LRRC4C: variants seen among roughly 807,000 people sequenced by gnomAD.
LRRC4C encodes the protein leucine rich repeat containing 4C, also known as leucine-rich repeat-containing protein 4C.
In LRRC4C, 5 loss-of-function variants were observed where a neutral mutation model predicts 33.6. That is an observed-to-expected ratio of 0.15 (90% CI 0.08 to 0.31). The LOEUF is 0.31. Among genes scored for constraint, LRRC4C ranks in the 10% least tolerant of loss-of-function variants. LRRC4C has a pLI of 1.00. For synonymous variants in LRRC4C, 329 were observed against 302.0 expected, an observed-to-expected ratio of 1.09 and a Z score of -0.93; for missense variants, 560 against 796.7, an observed-to-expected ratio of 0.70 and a Z score of 3.58.
chr11:40,971,347 T>C (rs1851715200), intron 1 of LRRC4C, among the ~76,000 whole-genome samples: 1 of 152,100 alleles, frequency 6.6e-6, no homozygotes, highest in Non-Finnish European at 1.5e-5. Context: ...CAGCCATGGG[T>C]CAAAGGAGCC....
In LRRC4C at chr11:40,525,351, C is replaced by A. The variant is rs561498996; in HGVS notation, c.-270+122791G>T. On this transcript the variant is annotated intron_variant, in intron 3 of 6. Transcript: ENST00000528697. The stretch of plus-strand genomic sequence containing the variant: ...GTCCCAGCTATTCGGGAGGCTGAGG[C>A]AGGAGAATCGCTTGAACCCAGGAGG... Among the ~76,000 whole-genome samples the A allele has an allele frequency of 8.5e-5, 13 of 152,134 alleles. No individual in the cohort carries two copies. The East Asian group carries it at 2.5e-3, about 30-fold the overall frequency.
chr11:41,205,499 T>C (rs1296975312), intron 1 of LRRC4C, among the ~76,000 whole-genome samples: 2 of 152,102 alleles, frequency 1.3e-5, no homozygotes, highest in Non-Finnish European at 2.9e-5. Context: ...CTTTTAGAAA[T>C]GAGTTAACAA....
chr11:41,161,633 G>T (rs537609076), intron 1 of LRRC4C, among the ~76,000 whole-genome samples: 11 of 152,256 alleles, frequency 7.2e-5, no homozygotes, highest in African/African-American at 2.2e-4. Context: ...ACTGTTTACT[G>T]AAATCCTGAG....
intron 3 of LRRC4C, among the ~76,000 whole-genome samples, chr11:40,507,805 T>C (rs1955110976): frequency 6.6e-6 from 1 of 150,948 alleles, no homozygotes; most frequent in African/African-American, 2.4e-5. Flanking sequence ...AGTGGCACCA[T>C]CTCAGCTCAC....
intron 2 of LRRC4C, among the ~76,000 whole-genome samples, chr11:40,904,570 C>T (rs539065868): frequency 2.8e-4 from 42 of 152,056 alleles, no homozygotes; most frequent in African/African-American, 8.0e-4. Flanking sequence ...AATATTGGTC[C>T]CTGTTATAAT....
chr11:41,162,713 G>GT (rs1203991238), intron 1 of LRRC4C, among the ~76,000 whole-genome samples: 1 of 152,184 alleles, frequency 6.6e-6, no homozygotes, highest in Non-Finnish European at 1.5e-5. Context: ...TAGTACAACT[G>GT]TATCAGGCAC....
At chr11:41,399,972 C>G (rs1043023099) in intron 1 of LRRC4C, among the ~76,000 whole-genome samples, 7 of 151,814 alleles carry the variant, frequency 4.6e-5, no homozygotes, top group Admixed American at 2.0e-4. Context: ...GTAAGCTAAC[C>G]CAAAAGTAAA....
chr11:40,684,886 G>T (rs893469984), intron 2 of LRRC4C, among the ~76,000 whole-genome samples: 7 of 151,802 alleles, frequency 4.6e-5, no homozygotes, highest in Non-Finnish European at 2.9e-5. Flanking sequence ...GATTTTGTTG[G>T]ACAAAGTTAG....
At chr11:40,424,892 T>A (rs1044128556) in intron 3 of LRRC4C, among the ~76,000 whole-genome samples, 24 of 152,332 alleles carry the variant, frequency 1.6e-4, no homozygotes, top group African/African-American at 5.8e-4. Context: ...TATGTGTCTG[T>A]TTTTGTTTTT....
At chr11:41,024,023 A>C (rs761075138) in intron 1 of LRRC4C, among the ~76,000 whole-genome samples, 6 of 151,532 alleles carry the variant, frequency 4.0e-5, no homozygotes, top group African/African-American at 1.5e-4. Flanking sequence ...TTTTTTTTCT[A>C]GTTGCGTTCA....
chr11:40,992,684 G>C (rs1853669166), intron 1 of LRRC4C, among the ~76,000 whole-genome samples: 1 of 152,088 alleles, frequency 6.6e-6, no homozygotes, highest in Non-Finnish European at 1.5e-5. Context: ...TCACAAAAAG[G>C]AAAGCTAATT....
chr11:40,506,916 A>G (rs1054446550), intron 3 of LRRC4C, among the ~76,000 whole-genome samples: 4 of 152,116 alleles, frequency 2.6e-5, no homozygotes, highest in Non-Finnish European at 5.9e-5. Context: ...AACACTAGAA[A>G]AACTAGCTGT....
chr11:40,513,698 A>G (rs766566233), intron 3 of LRRC4C, among the ~76,000 whole-genome samples: 13 of 152,294 alleles, frequency 8.5e-5, no homozygotes, highest in South Asian at 2.1e-4. Context: ...CCTGAAGGAT[A>G]CTTTACAACT....
At chr11:41,169,917 C>T (rs11036266) in intron 1 of LRRC4C, among the ~76,000 whole-genome samples, 10,773 of 152,140 alleles carry the variant, frequency 0.071, 526 homozygotes, top group African/African-American at 0.14. Context: ...AATTCCTTTA[C>T]ATGGCTAAAA....
At chr11:40,543,476 A>G (rs1407716298) in intron 3 of LRRC4C, among the ~76,000 whole-genome samples, 2 of 152,122 alleles carry the variant, frequency 1.3e-5, no homozygotes, top group South Asian at 4.1e-4. Flanking sequence ...AAACAGAGCC[A>G]TGCACACAGA....
intron 1 of LRRC4C, among the ~76,000 whole-genome samples, chr11:41,310,317 G>A (rs1950611423): frequency 6.6e-6 from 1 of 152,206 alleles, no homozygotes; most frequent in African/African-American, 2.4e-5. Context: ...GGACTCTGAT[G>A]TTGCTGTGTG....
At chr11:40,729,087 A>T (rs187530224) in intron 2 of LRRC4C, among the ~76,000 whole-genome samples, 1 of 152,276 alleles carries the variant, frequency 6.6e-6, no homozygotes, top group African/African-American at 2.4e-5. Context: ...GCATCATGCA[A>T]TATACCTGTG....
At chr11:40,426,161 A>C (rs1252595276) in intron 3 of LRRC4C, among the ~76,000 whole-genome samples, 1 of 151,852 alleles carries the variant, frequency 6.6e-6, no homozygotes, top group Non-Finnish European at 1.5e-5. Context: ...CCACAGTTGC[A>C]TGCCACTATG....
chr11:40,710,745 G>A (rs12578092), intron 2 of LRRC4C, among the ~76,000 whole-genome samples: 19,295 of 152,076 alleles, frequency 0.13, 1,651 homozygotes, highest in East Asian at 0.42. Flanking sequence ...GTCAGACAGG[G>A]ACATTTAAGT....
Sources: allele counts gnomAD v4.1 joint callset (sites outside exome capture counted in the v4.1 genomes callset), GRCh38; gene constraint gnomAD v4.1.1; transcripts MANE v1.5; gene names NCBI Gene and HGNC (gene_info 2026-07-23, HGNC 2026-07-21).